Variants in STAMBPL1 observed in about 807,000 individuals in gnomAD.
STAMBPL1 encodes the protein STAM binding protein like 1, also known as AMSH-like protease.
STAMBPL1 carries 44 observed loss-of-function variants against 52.9 expected under a neutral mutation model. The observed-to-expected ratio is 0.83, with a 90% CI of 0.65 to 1.07. The LOEUF is 1.07. Ranked by LOEUF, STAMBPL1 falls within the 50% of genes least tolerant of loss-of-function variation. STAMBPL1 has a pLI of 0.00. For missense variants in STAMBPL1, 511 were observed against 520.8 expected (o/e 0.98, Z 0.18); for synonymous variants, 164 against 177.3 (o/e 0.92, Z 0.60).
At chr10:88,886,028 G>A (rs1195972972) in intron 1 of STAMBPL1, among the ~76,000 whole-genome samples, 1 of 152,170 alleles carries the variant, frequency 6.6e-6, no homozygotes, top group Non-Finnish European at 1.5e-5. Flanking sequence ...TGAGTAGAAG[G>A]AGAGATATAT....
At chr10:88,905,915 A>G (rs187357446) in intron 3 of STAMBPL1, among the ~76,000 whole-genome samples, 1 of 152,190 alleles carries the variant, frequency 6.6e-6, no homozygotes, top group African/African-American at 2.4e-5. Flanking sequence ...CCAGCATAGT[A>G]ATCTATTTAA....
intron 1 of STAMBPL1, among the ~76,000 whole-genome samples, chr10:88,900,046 T>C (rs1844907275): frequency 1.3e-5 from 2 of 152,230 alleles, no homozygotes; most frequent in Admixed American, 1.3e-4. Context: ...TGATGAACCA[T>C]GTTTTTTCTT....
At chr10:88,914,510 T>G in intron 6 of STAMBPL1, 24 bp from the exon 7 acceptor site, 1 of 1,463,956 alleles carries the variant, frequency 6.8e-7, no homozygotes, top group Non-Finnish European at 9.1e-7. Flanking sequence ...TTTTTTAGCC[T>G]TTTCTCCCTT....
At chr10:88,890,006 AT>A (rs1844638006) in intron 1 of STAMBPL1, among the ~76,000 whole-genome samples, 1 of 152,206 alleles carries the variant, frequency 6.6e-6, no homozygotes. Flanking sequence ...CTTCATGAGT[AT>A]GTAATCAAGA....
At chr10:88,923,072 A>T (rs954961080) in intron 10 of STAMBPL1, 96 bp from the exon 11 acceptor site, 1 of 818,648 alleles carries the variant, frequency 1.2e-6, no homozygotes, top group East Asian at 2.8e-5. Context: ...GAACAAATTA[A>T]AATTAGGAAA....
rs1272659951 is a variant in STAMBPL1 at position 88,922,388 on chromosome 10, T to C, written c.1206T>C (p.Cys402=). 8 of 1,612,492 alleles carry C rather than the reference T, an allele frequency of 5.0e-6. No individual in the cohort carries two copies. The Admixed American group carries it at 1.3e-4, about 27-fold the overall frequency. The change falls in exon 10 of 11, where the codon TGT becomes TGC. Residue 402 remains cysteine (C), a synonymous_variant. Transcript: ENST00000371926. ...CTGGCATGCTTGAGGTTTCTGCTTG[T>C]AAAAAAAAGGGCTTTCATCCACACA... is the stretch of plus-strand genomic sequence containing the variant. ...TNAGMLEVSA[C]KKKGFHPHTK... is the part of the protein sequence containing the mutation.
chr10:88,913,004 C>A (rs903658924), intron 5 of STAMBPL1, 97 bp from the exon 6 acceptor site: 4 of 1,040,218 alleles, frequency 3.8e-6, no homozygotes, highest in Non-Finnish European at 5.6e-6. Context: ...CAGTATCTAG[C>A]ATTTTCTCTG....
intron 1 of STAMBPL1, among the ~76,000 whole-genome samples, chr10:88,880,937 C>G (rs1013914421): frequency 6.6e-6 from 1 of 152,152 alleles, no homozygotes; most frequent in African/African-American, 2.4e-5. Context: ...CAGGGCGGGA[C>G]TCTGGCCGTG....
intron 2 of STAMBPL1, among the ~76,000 whole-genome samples, chr10:88,902,861 A>G (rs982663980): frequency 6.6e-6 from 1 of 152,120 alleles, no homozygotes; most frequent in African/African-American, 2.4e-5. Flanking sequence ...GAGCCACCGC[A>G]CCCGGCCCCT....
chr10:88,883,710 A>G (rs1200024585), intron 1 of STAMBPL1, among the ~76,000 whole-genome samples: 2 of 152,142 alleles, frequency 1.3e-5, no homozygotes, highest in Non-Finnish European at 2.9e-5. Context: ...ATTTTTTTCC[A>G]TTGATGTGGT....
rs1282842035 is a variant in STAMBPL1, at chr10:88,895,826, G to A, written c.-53-5830G>A. On this transcript the variant is annotated intron_variant, in intron 1 of 10. Transcript: ENST00000371926. The stretch of plus-strand genomic sequence containing the variant: ...CTTCATCTTGGTGGCTGGATAAAAA[G>A]TTTGTATTACACTATGCAAAATAAT... Among the ~76,000 whole-genome samples, 3 of 152,280 alleles carry A rather than the reference G, an allele frequency of 2.0e-5. No homozygotes were observed. The East Asian group carries it at 5.8e-4, about 29-fold the overall frequency.
intron 1 of STAMBPL1, among the ~76,000 whole-genome samples, chr10:88,884,193 T>TA (rs1469763334): frequency 6.6e-6 from 1 of 152,134 alleles, no homozygotes; most frequent in Admixed American, 6.5e-5. Context: ...TTATGTAAAA[T>TA]AAAAAACTGC....
chr10:88,908,733 G>A lies in STAMBPL1; in HGVS notation c.280G>A (p.Asp94Asn), dbSNP rs1285395503. 5.6e-6 allele frequency: 9 copies of A among 1,610,058 alleles called. No individual in the cohort carries two copies. Among genetic ancestry groups the A allele is most frequent in the Non-Finnish European group, 7.6e-6 (9 of 1,178,582 alleles). ...LFVEKLPNHR[D>N]YQQCAVPEKQ... ...TGTAGAAAAGCTTCCTAACCATCGAGATTACCAGCAATGTGCAGTACCTGA... is the reference window on the plus strand; with the variant it reads ...TGTAGAAAAGCTTCCTAACCATCGAAATTACCAGCAATGTGCAGTACCTGA... The change falls in exon 4 of 11, where the codon GAT becomes AAT. Residue 94 changes from aspartate to asparagine, a missense_variant. Coordinates refer to ENST00000371926, the MANE Select transcript of STAMBPL1 (RefSeq NM_020799.4).
At chr10:88,895,566 C>T (rs1412527903) in intron 1 of STAMBPL1, among the ~76,000 whole-genome samples, 1 of 152,204 alleles carries the variant, frequency 6.6e-6, no homozygotes, top group Non-Finnish European at 1.5e-5. Context: ...AACTGATTTT[C>T]TTTGAGTTTC....
In STAMBPL1 at chr10:88,888,905, G is replaced by A. The variant is rs147754619; in HGVS notation, c.-54+8267G>A. 1.8e-3 allele frequency among the ~76,000 whole-genome samples: 275 copies of A among 152,290 alleles called. 1 individual carries two copies. Among genetic ancestry groups the A allele is most frequent in the African/African-American group, 6.3e-3 (263 of 41,552 alleles). On this transcript the variant is annotated intron_variant, in intron 1 of 10. Transcript: ENST00000371926. The stretch of plus-strand genomic sequence containing the variant: ...AGCAATGAATAAATAAAAAGTGAAA[G>A]TCCCTCATGATCCCACCCTTGAGAG...
intron 1 of STAMBPL1, chr10:88,901,057 T>A (rs1411971725): frequency 6.6e-6 from 1 of 152,224 alleles, no homozygotes; most frequent in East Asian, 1.9e-4. Flanking sequence ...ATTAGGGGGA[T>A]TCTTATATCT....
chr10:88,898,948 C>T (rs1161968183), intron 1 of STAMBPL1, among the ~76,000 whole-genome samples: 1 of 152,194 alleles, frequency 6.6e-6, no homozygotes, highest in Non-Finnish European at 1.5e-5. Flanking sequence ...TAGAGACATG[C>T]AGAAGTACAT....
intron 3 of STAMBPL1, among the ~76,000 whole-genome samples, chr10:88,906,024 AT>A (rs1845065231): frequency 1.3e-5 from 2 of 152,320 alleles, no homozygotes; most frequent in South Asian, 4.1e-4. Flanking sequence ...GTGCAGCTCC[AT>A]TTATAGCACC....
At chr10:88,886,746 T>C (rs943771578) in intron 1 of STAMBPL1, among the ~76,000 whole-genome samples, 2 of 152,214 alleles carry the variant, frequency 1.3e-5, no homozygotes, top group African/African-American at 4.8e-5. Context: ...CCTGCCTGTT[T>C]TGCATTTGGC....
Sources: allele counts gnomAD v4.1 joint callset (sites outside exome capture counted in the v4.1 genomes callset), GRCh38; gene constraint gnomAD v4.1.1; transcripts MANE v1.5; gene names NCBI Gene and HGNC (gene_info 2026-07-23, HGNC 2026-07-21).